The following TYW5 variants were observed in gnomAD, a reference collection of about 807,000 sequenced individuals.
TYW5 encodes tRNA wybutosine-synthesizing protein 5.
TYW5 carries 36 observed loss-of-function variants against 44.4 expected under a neutral mutation model. The observed-to-expected ratio is 0.81, with a 90% confidence interval of 0.62 to 1.07. The LOEUF (loss-of-function observed/expected upper bound fraction) is 1.07, where lower values mean the gene tolerates loss of function less well. TYW5 is among the 50% of genes least tolerant of loss of function. The pLI, the probability that TYW5 is intolerant of heterozygous loss-of-function variation, is 0.00. For synonymous variants in TYW5, 121 were observed against 128.1 expected, an observed-to-expected ratio of 0.94 and a Z score of 0.37; for missense variants, 354 against 365.7, an observed-to-expected ratio of 0.97 and a Z score of 0.26.
At chr2:199,943,714 T>C (rs1241371353) in intron 3 of TYW5, 51 bp downstream of exon 3, 1 of 1,397,982 alleles carries the variant, frequency 7.2e-7, no homozygotes, top group Non-Finnish European at 9.9e-7. Flanking sequence ...AGAAAATCCA[T>C]TTAGTATATA....
At chr2:199,946,166 T>C (rs2077502604) in intron 2 of TYW5, 2 of 152,230 alleles carry the variant, frequency 1.3e-5, no homozygotes, top group Admixed American at 1.3e-4. Flanking sequence ...ACCTCACAGA[T>C]TGTTCTGAAG....
In TYW5 at chr2:199,939,086, CAT is replaced by C; in HGVS notation, c.349-18_349-17del. On this transcript the variant is annotated splice_polypyrimidine_tract_variant and intron_variant, in intron 4 of 7. Coordinates refer to ENST00000354611, the MANE Select transcript of TYW5 (RefSeq NM_001039693.3). The stretch of plus-strand genomic sequence containing the variant: ...CTGCAACATCCTGCATTTACAGAAA[CAT>C]AAAAAGAAAAAATTAGATTAGACCC... 6.3e-7 allele frequency: 1 copy of C among 1,581,268 alleles called. No homozygotes were observed.
chr2:199,954,969 T>C (rs2077582830), intron 1 of TYW5, among the ~76,000 whole-genome samples: 1 of 152,194 alleles, frequency 6.6e-6, no homozygotes, highest in Non-Finnish European at 1.5e-5. Context: ...TATAAAAGAC[T>C]CCAATGTCGG....
rs1162041945 is a variant in TYW5 at position 199,948,461 on chromosome 2, A to G, written c.90T>C (p.Leu30=). Residue 30 remains leucine, a synonymous_variant, in exon 2 of 8, where the codon CTT becomes CTC. Coordinates refer to ENST00000354611, the MANE Select transcript of TYW5 (RefSeq NM_001039693.3). ...MQHLYPQRKP[L]VLEGIDLGPC... ...GCCCCAAATCAATCCCTTCCAACAC[A>G]AGAGGTTTTCTCTGTAAGTGGGGAA... is the stretch of plus-strand genomic sequence containing the variant. 4 of 1,613,954 alleles carry G rather than the reference A, an allele frequency of 2.5e-6. No homozygotes were observed. In the South Asian group the frequency reaches 4.4e-5, roughly 18 times the overall value.
rs2077391764 is a variant in TYW5, at chr2:199,933,051, G to T, written c.*16C>A. 1 of 1,611,918 alleles carries T rather than the reference G, an allele frequency of 6.2e-7. No individual in the cohort carries two copies. The highest frequency in any genetic ancestry group is 1.7e-4 in the Middle Eastern group (1 of 6,046). On this transcript the variant is annotated 3_prime_UTR_variant, in exon 8 of 8. Coordinates refer to ENST00000354611, the MANE Select transcript of TYW5 (RefSeq NM_001039693.3). ...CCTTACTAAAGTGTTAATGTGCATT[G>T]CATTCACTTCATTATTTACTCAGAG...
rs926800012 is a variant in TYW5 at position 199,932,383 on chromosome 2, C to A, written c.*684G>T. 6.6e-6 allele frequency: 1 copy of A among 152,224 alleles called. No homozygotes were observed. The highest frequency in any genetic ancestry group is 1.5e-5 in the Non-Finnish European group (1 of 68,050). The allele number at this position is 152,224 out of a possible 1,614,324, so 9.4% of individuals were successfully genotyped here. A position where few individuals can be genotyped will look rare whatever the true frequency, so the allele number is the denominator to read the frequency against. On this transcript the variant is annotated 3_prime_UTR_variant, in exon 8 of 8. Coordinates refer to ENST00000354611, the MANE Select transcript of TYW5 (RefSeq NM_001039693.3). ...CATGATTTTAAAAAAACTATCCTTTCTGTCCCCATATATCCCTCATGTGGC... is the reference window on the plus strand; with the variant it reads ...CATGATTTTAAAAAAACTATCCTTTATGTCCCCATATATCCCTCATGTGGC...
intron 1 of TYW5, 37 bp downstream of exon 1, chr2:199,955,356 T>C: frequency 6.2e-6 from 10 of 1,606,756 alleles, no homozygotes; most frequent in Non-Finnish European, 7.6e-6. Context: ...TGTCTCTCGC[T>C]GGTTTCTCGA....
In TYW5 at chr2:199,932,922, C is replaced by T; in HGVS notation, c.*145G>A. On this transcript the variant is annotated 3_prime_UTR_variant, in exon 8 of 8. Transcript: ENST00000354611. ...CACAGCATTCTTTAATTATAACAAT[C>T]TGTATCAAGTAGAATCCACACAAAC... The T allele has an allele frequency of 1.1e-6, 1 of 899,936 alleles. No homozygotes were observed. The highest frequency in any genetic ancestry group is 1.9e-5 in the South Asian group (1 of 53,592). 55.7% of individuals were successfully genotyped at this position (899,936 alleles called of 1,614,324 possible). A position where few individuals can be genotyped will look rare whatever the true frequency, so the allele number is the denominator to read the frequency against.
chr2:199,939,142 C>G (rs2077444281), intron 4 of TYW5, 72 bp from the exon 5 acceptor site: 1 of 1,366,560 alleles, frequency 7.3e-7, no homozygotes, highest in Admixed American at 2.5e-5. Context: ...TGGGGCAAAA[C>G]TTTGTTCACT....
intron 1 of TYW5, among the ~76,000 whole-genome samples, chr2:199,953,510 A>G (rs7572840): frequency 0.52 from 79,451 of 151,992 alleles, 21,071 homozygotes; most frequent in South Asian, 0.62. Context: ...AAAACAGTCT[A>G]TTTTTTAAAA....
chr2:199,935,770 A>ACG (rs1553568290), intron 7 of TYW5, among the ~76,000 whole-genome samples, 161 bp downstream of exon 7: 2 of 145,754 alleles, frequency 1.4e-5, no homozygotes, highest in African/African-American at 5.0e-5. Context: ...ACACACATAC[A>ACG]CACACACGCA....
chr2:199,942,696 T>C (rs1376980209), intron 3 of TYW5: 2 of 152,066 alleles, frequency 1.3e-5, no homozygotes, highest in African/African-American at 4.8e-5. Context: ...TTTGTGGGGA[T>C]TGTGGCAGTA....
rs550966327 is a variant in TYW5 at position 199,955,041 on chromosome 2, G to A, written c.78+352C>T. 2.0e-5 allele frequency among the ~76,000 whole-genome samples: 3 copies of A among 152,298 alleles called. No individual in the cohort carries two copies. The South Asian group carries it at 6.2e-4, about 32-fold the overall frequency. ...AGGAGTTTTCCGGGGGAATCCCATT[G>A]CTTTCCTTTTTGGCTCAGTGGAGTG... is the stretch of plus-strand genomic sequence containing the variant. On this transcript the variant is annotated intron_variant, in intron 1 of 7. Transcript: ENST00000354611.
chr2:199,935,816 G>A, intron 7 of TYW5, 115 bp downstream of exon 7: 1 of 680,948 alleles, frequency 1.5e-6, no homozygotes, highest in Non-Finnish European at 2.6e-6. Context: ...TCTTGTATAG[G>A]ACCGGATACA....
intron 7 of TYW5, among the ~76,000 whole-genome samples, chr2:199,934,972 C>T (rs1313515295): frequency 6.6e-6 from 1 of 151,838 alleles, no homozygotes; most frequent in Non-Finnish European, 1.5e-5. Context: ...AATATGAAAT[C>T]TTTCATCTGT....
At chr2:199,937,495 TA>T (rs1479026871) in intron 5 of TYW5, among the ~76,000 whole-genome samples, 1 of 151,384 alleles carries the variant, frequency 6.6e-6, no homozygotes, top group South Asian at 2.1e-4. Context: ...AAACCCCATG[TA>T]TACTAAAAAT....
At chr2:199,948,171 C>T (rs540426004) in intron 2 of TYW5, 147 bp downstream of exon 2, 3 of 722,528 alleles carry the variant, frequency 4.2e-6, no homozygotes, top group African/African-American at 3.6e-5. Flanking sequence ...AAAAACCACT[C>T]TTTAAAAATC....
chr2:199,939,906 T>C (rs978863556), intron 4 of TYW5, among the ~76,000 whole-genome samples, 183 bp downstream of exon 4: 1 of 152,192 alleles, frequency 6.6e-6, no homozygotes, highest in African/African-American at 2.4e-5. Flanking sequence ...CCTACCTGAA[T>C]ACAAAGTAAT....
chr2:199,945,268 T>C (rs1332028036), intron 2 of TYW5: 4 of 152,180 alleles, frequency 2.6e-5, no homozygotes, highest in African/African-American at 7.2e-5. Flanking sequence ...TGGATTTGTA[T>C]AAAGACTCCA....
Sources: allele counts gnomAD v4.1 joint callset (sites outside exome capture counted in the v4.1 genomes callset), GRCh38; gene constraint gnomAD v4.1.1; transcripts MANE v1.5; gene names NCBI Gene and HGNC (gene_info 2026-07-23, HGNC 2026-07-21).